The following SGPL1 variants were observed in gnomAD, a reference collection of about 807,000 sequenced individuals.
The protein encoded by SGPL1 is SP-lyase 1.
SGPL1 carries 37 observed loss-of-function variants against 68.9 expected under a neutral mutation model. The observed-to-expected ratio is 0.54, with a 90% CI of 0.41 to 0.71. SGPL1 has a LOEUF of 0.71. Among genes scored for constraint, SGPL1 ranks in the 30% least tolerant of loss-of-function variants. The pLI is 0.00. For missense variants in SGPL1, 551 were observed against 704.6 expected, an observed-to-expected ratio of 0.78 and a Z score of 2.47; for synonymous variants, 236 against 248.5, an observed-to-expected ratio of 0.95 and a Z score of 0.47.
intron 2 of SGPL1, among the ~76,000 whole-genome samples, chr10:70,818,010 A>G (rs374926855): frequency 3.9e-5 from 6 of 152,324 alleles, no homozygotes; most frequent in African/African-American, 1.4e-4. Flanking sequence ...TGGGACTTTT[A>G]TGATTCCTTA....
chr10:70,859,824 G>T (rs754300504), intron 7 of SGPL1, among the ~76,000 whole-genome samples: 1 of 151,888 alleles, frequency 6.6e-6, no homozygotes, highest in Non-Finnish European at 1.5e-5. Context: ...GAGTTGCTAG[G>T]ATGGCTTAAA....
intron 2 of SGPL1, among the ~76,000 whole-genome samples, chr10:70,835,735 C>CAAAAAAAAAAAAA (rs66962270): frequency 2.1e-4 from 15 of 70,130 alleles, no homozygotes; most frequent in Admixed American, 4.8e-4. Flanking sequence ...GACTCCGTCT[C>CAAAAAAAAAAAAA]AAAAAAAAAA....
rs1845551308 is a variant in SGPL1 at position 70,832,157 on chromosome 10, T to C, written c.28-12316T>C. ...TTTGAAACTCTTCCAAGTATTAATT[T>C]TAAATTAAATTTACTCAGCTGCTTA... On this transcript the variant is annotated intron_variant, in intron 2 of 14. Coordinates refer to ENST00000373202, the MANE Select transcript of SGPL1 (RefSeq NM_003901.4). Among the ~76,000 whole-genome samples the C allele has an allele frequency of 2.0e-5, 3 of 152,314 alleles. No individual in the cohort carries two copies. In the South Asian group the frequency reaches 6.2e-4, roughly 32 times the overall value.
chr10:70,826,526 C>T (rs552662729), intron 2 of SGPL1, among the ~76,000 whole-genome samples: 46 of 152,300 alleles, frequency 3.0e-4, no homozygotes, highest in African/African-American at 6.5e-4. Context: ...ATTTATTATA[C>T]GTGCAGAAGA....
At chr10:70,853,233 T>C (rs1002656854) in intron 4 of SGPL1, among the ~76,000 whole-genome samples, 1 of 152,240 alleles carries the variant, frequency 6.6e-6, no homozygotes, top group African/African-American at 2.4e-5. Context: ...CCTCTTAGAC[T>C]ATTGCAGACA....
At chr10:70,853,899 A>G (rs546023765) in intron 4 of SGPL1, among the ~76,000 whole-genome samples, 8 of 152,194 alleles carry the variant, frequency 5.3e-5, no homozygotes, top group Non-Finnish European at 1.0e-4. Context: ...GGGACCTCCA[A>G]ATTCCTAGTG....
intron 2 of SGPL1, 115 bp downstream of exon 2, chr10:70,816,995 T>C: frequency 1.0e-6 from 1 of 1,003,756 alleles, no homozygotes. Context: ...TAGCTGAGCG[T>C]TTTGCCACCT....
intron 2 of SGPL1, among the ~76,000 whole-genome samples, chr10:70,840,257 G>A (rs140511964): frequency 1.4e-4 from 22 of 152,166 alleles, no homozygotes; most frequent in African/African-American, 4.6e-4. Context: ...AAGCATGTCT[G>A]TATGAGCGTA....
intron 9 of SGPL1, among the ~76,000 whole-genome samples, chr10:70,870,704 T>A (rs1846277560): frequency 6.6e-6 from 1 of 152,224 alleles, no homozygotes; most frequent in African/African-American, 2.4e-5. Context: ...AGTTCACAGA[T>A]AAGGAACAGA....
intron 11 of SGPL1, 136 bp downstream of exon 11, chr10:70,872,122 T>G (rs1846308771): frequency 1.1e-6 from 1 of 876,744 alleles, no homozygotes; most frequent in East Asian, 2.7e-5. Flanking sequence ...ACTCTCTCTT[T>G]GCCGTCACCA....
chr10:70,816,969 T>C, intron 2 of SGPL1, 89 bp downstream of exon 2: 2 of 1,233,228 alleles, frequency 1.6e-6, no homozygotes, highest in Non-Finnish European at 2.4e-6. Context: ...ATTTCACCTC[T>C]GATGCTTGCT....
In SGPL1 at chr10:70,859,359, A is replaced by AT; in HGVS notation, c.487-5dup. ...TAGTTTTGATTTCACATCTGCTTGC[A>AT]TTTTTTTGCAGGCTTATGGAGATTT... On this transcript the variant is annotated splice_polypyrimidine_tract_variant and intron_variant, in intron 6 of 14. Transcript: ENST00000373202. 8.4e-6 allele frequency: 12 copies of AT among 1,429,404 alleles called. No individual in the cohort carries two copies. Among genetic ancestry groups the AT allele is most frequent in the South Asian group, 5.0e-5 (3 of 59,462 alleles). 88.5% of individuals were successfully genotyped at this position (1,429,404 alleles called of 1,614,324 possible). A position where few individuals can be genotyped will look rare whatever the true frequency, so the allele number is the denominator to read the frequency against.
In SGPL1 at chr10:70,843,182, C is replaced by G. The variant is rs533064561; in HGVS notation, c.28-1291C>G. On this transcript the variant is annotated intron_variant, in intron 2 of 14. Coordinates refer to ENST00000373202, the MANE Select transcript of SGPL1 (RefSeq NM_003901.4). ...AGTTAGATAGTCCTTCCTCAGTGCT[C>G]CATCTTGGCACTCATATGCTTTTTG... Among the ~76,000 whole-genome samples the G allele has an allele frequency of 4.6e-5, 7 of 152,248 alleles. 1 individual carries two copies. The highest frequency in any genetic ancestry group is 4.6e-4 in the Admixed American group (7 of 15,292).
chr10:70,844,382 C>T, intron 2 of SGPL1, 91 bp from the exon 3 acceptor site: 2 of 1,171,274 alleles, frequency 1.7e-6, no homozygotes, highest in Non-Finnish European at 2.4e-6. Flanking sequence ...ATGACCTTGC[C>T]CTTGAAAAAT....
chr10:70,864,854 A>G (rs1369954963), intron 7 of SGPL1, among the ~76,000 whole-genome samples: 1 of 152,220 alleles, frequency 6.6e-6, no homozygotes, highest in East Asian at 1.9e-4. Flanking sequence ...TTCTATCTGT[A>G]TTAGAATAAC....
Position 70,851,209 on chromosome 10 carries a change from A to G in SGPL1, c.260A>G (p.Lys87Arg), listed in dbSNP as rs1264834163. ...LTRKMPIIGR[K>R]IQDKLNKTKD... is the part of the protein sequence containing the mutation. ...AGGAAGATGCCCATTATTGGTCGTAAGGTAAGTAGAATCTGTGTATGTCAT... is the reference window on the plus strand; with the variant it reads ...AGGAAGATGCCCATTATTGGTCGTAGGGTAAGTAGAATCTGTGTATGTCAT... Residue 87 changes from lysine to arginine, a missense_variant and splice_region_variant, in exon 4 of 15, where the codon AAG becomes AGG. Transcript: ENST00000373202. 4 of 1,611,034 alleles carry G rather than the reference A, an allele frequency of 2.5e-6. No homozygotes were observed. The highest frequency in any genetic ancestry group is 1.3e-5 in the African/African-American group (1 of 74,970).
chr10:70,878,528 C>T lies in SGPL1; in HGVS notation c.*1193C>T, dbSNP rs1034795564. 1 of 152,190 alleles carries T rather than the reference C, an allele frequency of 6.6e-6. No homozygotes were observed. Among genetic ancestry groups the T allele is most frequent in the Non-Finnish European group, 1.5e-5 (1 of 68,048 alleles). 9.4% of individuals were successfully genotyped at this position (152,190 alleles called of 1,614,324 possible). A position where few individuals can be genotyped will look rare whatever the true frequency, so the allele number is the denominator to read the frequency against. ...AGCAGAAATCAGACCTTTTTCTATG[C>T]TTTTTTGAATATCAGAGTAGGATGA... is the stretch of plus-strand genomic sequence containing the variant. On this transcript the variant is annotated 3_prime_UTR_variant, in exon 15 of 15. Transcript: ENST00000373202.
At chr10:70,862,014 G>A (rs1234687141) in intron 7 of SGPL1, among the ~76,000 whole-genome samples, 1 of 152,008 alleles carries the variant, frequency 6.6e-6, no homozygotes, top group Non-Finnish European at 1.5e-5. Context: ...CCACCCAAGG[G>A]CTGAGGAGTG....
At chr10:70,849,378 TGAG>T (rs1363100941) in intron 3 of SGPL1, among the ~76,000 whole-genome samples, 1 of 152,148 alleles carries the variant, frequency 6.6e-6, no homozygotes, top group Non-Finnish European at 1.5e-5. Flanking sequence ...GTGCTATCAG[TGAG>T]GAGGATACAG....
Sources: allele counts gnomAD v4.1 joint callset (sites outside exome capture counted in the v4.1 genomes callset), GRCh38; gene constraint gnomAD v4.1.1; transcripts MANE v1.5; gene names NCBI Gene and HGNC (gene_info 2026-07-23, HGNC 2026-07-21).